Variants in SLC38A11 observed in about 807,000 individuals in gnomAD.
SLC38A11 encodes the protein putative sodium-coupled neutral amino acid transporter 11.
In SLC38A11, 51 loss-of-function variants were observed where a neutral mutation model predicts 49.4. The ratio of observed to expected loss-of-function variants is 1.03; its 90% CI spans 0.83 to 1.30. The LOEUF (loss-of-function observed/expected upper bound fraction) is 1.30. Among genes scored for constraint, SLC38A11 ranks in the 50% most tolerant of loss-of-function variants. The probability of loss-of-function intolerance (pLI) is 0.00; values close to 1 mark genes in which losing one functional copy is unlikely to be tolerated. For synonymous variants in SLC38A11, 203 were observed against 192.9 expected, an observed-to-expected ratio of 1.05 and a Z score of -0.43; for missense variants, 574 against 556.2, an observed-to-expected ratio of 1.03 and a Z score of -0.32.
intron 3 of SLC38A11, among the ~76,000 whole-genome samples, chr2:164,948,198 C>T (rs1688269119): frequency 6.6e-6 from 1 of 152,158 alleles, no homozygotes; most frequent in African/African-American, 2.4e-5. Flanking sequence ...ACCACAATGC[C>T]TACTGTCTTA....
At chr2:164,901,902 G>A (rs904933567) in intron 11 of SLC38A11, among the ~76,000 whole-genome samples, 2 of 151,962 alleles carry the variant, frequency 1.3e-5, no homozygotes, top group African/African-American at 4.8e-5. Context: ...TTCATAAATA[G>A]CCTTTATTAT....
intron 3 of SLC38A11, among the ~76,000 whole-genome samples, chr2:164,947,431 C>CTT (rs1238281342): frequency 2.6e-5 from 4 of 152,008 alleles, no homozygotes; most frequent in Non-Finnish European, 5.9e-5. Flanking sequence ...CGCGCCTGGC[C>CTT]TTTTTTCTCA....
chr2:164,952,790 A>G lies in SLC38A11; in HGVS notation c.155-9T>C, dbSNP rs762949926. 1 of 1,590,178 alleles carries G rather than the reference A, an allele frequency of 6.3e-7. No homozygotes were observed. The highest frequency in any genetic ancestry group is 1.2e-5 in the South Asian group (1 of 85,744). On this transcript the variant is annotated splice_polypyrimidine_tract_variant and intron_variant, in intron 2 of 11. Coordinates refer to ENST00000685975, the MANE Select transcript of SLC38A11 (RefSeq NM_001351537.2). Reference sequence around the variant, plus strand: ...CATTGAATAAGGCAATCCTGAAAAAACATAAAATGCCCCACCCTTCACATT... The same window carrying G: ...CATTGAATAAGGCAATCCTGAAAAAGCATAAAATGCCCCACCCTTCACATT...
intron 7 of SLC38A11, among the ~76,000 whole-genome samples, chr2:164,924,052 C>T (rs184268726): frequency 2.8e-4 from 43 of 152,192 alleles, no homozygotes; most frequent in Admixed American, 7.9e-4. Context: ...ATAGCCAAGA[C>T]GTAAAATCAA....
At chr2:164,921,789 T>C (rs767242598) in intron 7 of SLC38A11, among the ~76,000 whole-genome samples, 12 of 152,186 alleles carry the variant, frequency 7.9e-5, no homozygotes, top group Non-Finnish European at 1.6e-4. Context: ...ACAGCAATGA[T>C]TCGTGTTTCA....
chr2:164,899,720 T>C (rs1183820876), intron 11 of SLC38A11, among the ~76,000 whole-genome samples: 3 of 152,120 alleles, frequency 2.0e-5, no homozygotes, highest in Non-Finnish European at 4.4e-5. Context: ...TGTCATAGAA[T>C]ACATACAGAT....
chr2:164,947,366 A>G (rs1231859625), intron 3 of SLC38A11, among the ~76,000 whole-genome samples: 1 of 151,958 alleles, frequency 6.6e-6, no homozygotes, highest in Non-Finnish European at 1.5e-5. Context: ...TCCTGACCTC[A>G]AGTGATCCAC....
chr2:164,944,730 G>T, intron 4 of SLC38A11, 96 bp from the exon 5 acceptor site: 1 of 417,918 alleles, frequency 2.4e-6, no homozygotes, highest in Non-Finnish European at 4.2e-6. Flanking sequence ...CCAAATATTG[G>T]CATAATCCTA....
chr2:164,907,566 C>T (rs1450143345), intron 11 of SLC38A11, among the ~76,000 whole-genome samples: 1 of 152,070 alleles, frequency 6.6e-6, no homozygotes, highest in Non-Finnish European at 1.5e-5. Context: ...TTCCTGGCCT[C>T]CTCTGTCTTC....
At chr2:164,926,196 A>C (rs970477820) in intron 7 of SLC38A11, among the ~76,000 whole-genome samples, 3 of 152,172 alleles carry the variant, frequency 2.0e-5, no homozygotes, top group Non-Finnish European at 2.9e-5. Flanking sequence ...ATTAAAATTG[A>C]GACTCGATCT....
chr2:164,929,227 G>A (rs1409458138), intron 7 of SLC38A11, among the ~76,000 whole-genome samples: 1 of 152,056 alleles, frequency 6.6e-6, no homozygotes, highest in East Asian at 1.9e-4. Context: ...CATCACTGAA[G>A]TGGACATATG....
chr2:164,939,511 A>C lies in SLC38A11; in HGVS notation c.476T>G (p.Leu159Arg). 6.2e-7 allele frequency: 1 copy of C among 1,611,114 alleles called. No individual in the cohort carries two copies. Among genetic ancestry groups the C allele is most frequent in the Non-Finnish European group, 8.5e-7 (1 of 1,178,164 alleles). ...AGGCAGAGTAAAGGTAACTGTGGAA[A>C]GTCCAATAATGAAGTGGCGACCAAT... ...VFIGRHFIIG[L>R]STVTFTLPLS... The change falls in exon 6 of 12, where the codon CTT becomes CGT. Residue 159 changes from leucine to arginine, a missense_variant. Leu to Arg is a moderately radical substitution (Grantham distance 102). Transcript: ENST00000685975.
rs749857957 is a variant in SLC38A11, at chr2:164,915,201, C to A, written c.761G>T (p.Arg254Leu). The change falls in exon 9 of 12, where the codon CGC (arginine) becomes CTC (leucine). Residue 254 changes from arginine to leucine, a missense_variant. Transcript: ENST00000685975. Reference protein sequence around the residue: ...LEEPTVAKWSRLIHMSIVISV... With the variant: ...LEEPTVAKWSLLIHMSIVISV... ...AATCACGATGGACATATGGATAAGGCGGGACCACTTAGCTACTGTGGGTTC... is the reference window on the plus strand; with the variant it reads ...AATCACGATGGACATATGGATAAGGAGGGACCACTTAGCTACTGTGGGTTC... 2 of 1,611,914 alleles carry A rather than the reference C, an allele frequency of 1.2e-6. No homozygotes were observed. Among genetic ancestry groups the A allele is most frequent in the East Asian group, 2.2e-5 (1 of 44,784 alleles).
At chr2:164,925,333 T>C (rs558993321) in intron 7 of SLC38A11, among the ~76,000 whole-genome samples, 1 of 152,290 alleles carries the variant, frequency 6.6e-6, no homozygotes, top group African/African-American at 2.4e-5. Flanking sequence ...GTCGCTTTGG[T>C]TCTTTGTTGT....
Position 164,915,209 on chromosome 2 carries a change from C to T in SLC38A11, c.753G>A (p.Lys251=), listed in dbSNP as rs1240412022. The T allele has an allele frequency of 6.2e-7, 1 of 1,612,182 alleles. No homozygotes were observed. Among genetic ancestry groups the T allele is most frequent in the Non-Finnish European group, 8.5e-7 (1 of 1,178,930 alleles). Residue 251 remains lysine (K), a synonymous_variant, in exon 9 of 12, where the codon AAG becomes AAA. Coordinates refer to ENST00000685975, the MANE Select transcript of SLC38A11 (RefSeq NM_001351537.2). ...YSSLEEPTVA[K]WSRLIHMSIV... ...TGGACATATGGATAAGGCGGGACCA[C>T]TTAGCTACTGTGGGTTCTTCTAGAG...
chr2:164,939,674 A>G (rs1334827149), intron 5 of SLC38A11, 118 bp from the exon 6 acceptor site: 7 of 538,296 alleles, frequency 1.3e-5, no homozygotes, highest in African/African-American at 1.9e-5. Context: ...CCTCAATGAC[A>G]ATAATTTTGA....
intron 8 of SLC38A11, 170 bp from the exon 9 acceptor site, chr2:164,915,443 C>T (rs540047432): frequency 1.7e-6 from 1 of 583,882 alleles, no homozygotes; most frequent in East Asian, 3.0e-5. Flanking sequence ...GAAATGAGAC[C>T]ATTCATTCAC....
chr2:164,927,023 A>T (rs909539284), intron 7 of SLC38A11, among the ~76,000 whole-genome samples: 4 of 152,254 alleles, frequency 2.6e-5, no homozygotes, highest in Middle Eastern at 3.4e-3. Context: ...AATAATAATT[A>T]AAAAAAGAGG....
intron 7 of SLC38A11, 85 bp downstream of exon 7, chr2:164,937,265 A>T: frequency 1.1e-6 from 1 of 875,524 alleles, no homozygotes; most frequent in Non-Finnish European, 1.9e-6. Context: ...TACCATGGTT[A>T]CTTTATATTT....
Sources: gnomAD v4.1 joint callset for allele counts (sites outside exome capture counted in the v4.1 genomes callset) on GRCh38, gnomAD v4.1.1 for gene constraint, MANE v1.5 for transcripts, NCBI Gene and HGNC (gene_info 2026-07-23, HGNC 2026-07-21) for gene names.